Variants in NRG3 observed in about 807,000 individuals in gnomAD.
NRG3 encodes the protein neuregulin 3, also known as pro-neuregulin-3, membrane-bound isoform.
Under a neutral mutation model 66.9 loss-of-function variants are expected in NRG3, and 31 were observed. The observed-to-expected ratio is 0.46, with a 90% CI of 0.35 to 0.63. The LOEUF is 0.63. Ranked by LOEUF, NRG3 falls within the 20% of genes least tolerant of loss-of-function variation. The pLI is 0.00. For synonymous variants in NRG3, 393 were observed against 359.4 expected, an observed-to-expected ratio of 1.09 and a Z score of -1.06; for missense variants, 910 against 878.9, an observed-to-expected ratio of 1.04 and a Z score of -0.45.
At chr10:82,827,197 C>T in intron 3 of NRG3, 1 of 203,082 alleles carries the variant, frequency 4.9e-6, no homozygotes, top group Non-Finnish European at 8.9e-6. Flanking sequence ...TTTTTGTTAC[C>T]AAATTGTAAA....
chr10:82,413,456 T>C (rs1459173160), intron 2 of NRG3, among the ~76,000 whole-genome samples: 1 of 152,174 alleles, frequency 6.6e-6, no homozygotes, highest in Non-Finnish European at 1.5e-5. Flanking sequence ...ATTCTATTTA[T>C]AGAGCACAGG....
At chr10:82,449,886 GGA>G (rs2090934177) in intron 2 of NRG3, among the ~76,000 whole-genome samples, 1 of 152,104 alleles carries the variant, frequency 6.6e-6, no homozygotes, top group African/African-American at 2.4e-5. Context: ...CAGTCTGATG[GGA>G]GAGAGATAGC....
At chr10:82,900,366 T>C (rs963052252) in intron 4 of NRG3, among the ~76,000 whole-genome samples, 7 of 152,188 alleles carry the variant, frequency 4.6e-5, no homozygotes, top group Admixed American at 3.3e-4. Flanking sequence ...TCATTAACTA[T>C]GTACAGTACT....
At chr10:82,272,840 T>C (rs754249237) in intron 1 of NRG3, among the ~76,000 whole-genome samples, 56 of 152,190 alleles carry the variant, frequency 3.7e-4, no homozygotes, top group Non-Finnish European at 6.8e-4. Context: ...TTTGATAAAT[T>C]GCCTCTGCTG....
intron 2 of NRG3, among the ~76,000 whole-genome samples, chr10:82,583,375 G>A (rs1014120082): frequency 6.6e-6 from 1 of 152,048 alleles, no homozygotes; most frequent in African/African-American, 2.4e-5. Context: ...CTTCCTGCAG[G>A]CACATCATTT....
At chr10:82,352,975 A>G (rs2083528406) in intron 1 of NRG3, among the ~76,000 whole-genome samples, 1 of 151,850 alleles carries the variant, frequency 6.6e-6, no homozygotes, top group Non-Finnish European at 1.5e-5. Context: ...ACAGGTCTGT[A>G]AGGAATATTC....
rs1884282 is a variant in NRG3, at chr10:81,878,019, C to G, written c.823+1856C>G. ...GTTGGGAGAGGAGGGGGACTACACA[C>G]GGTAGGGGTATTTCATGTTCTTTCT... On this transcript the variant is annotated intron_variant, in intron 1 of 8. Coordinates refer to ENST00000372141, the MANE Select transcript of NRG3 (RefSeq NM_001010848.4). The G allele has an allele frequency of 0.12, 186,611 of 1,537,294 alleles. 12,047 individuals carry two copies. Among genetic ancestry groups the G allele is most frequent in the African/African-American group, 0.19 (13,841 of 73,020 alleles).
At chr10:82,554,493 T>C (rs964887016) in intron 2 of NRG3, among the ~76,000 whole-genome samples, 2 of 152,166 alleles carry the variant, frequency 1.3e-5, no homozygotes, top group Non-Finnish European at 2.9e-5. Context: ...TAGTTTAAAC[T>C]GGGATAGAAT....
intron 2 of NRG3, among the ~76,000 whole-genome samples, chr10:82,506,857 T>C (rs1234513260): frequency 1.3e-5 from 2 of 152,218 alleles, no homozygotes; most frequent in African/African-American, 2.4e-5. Context: ...ATGATGTCTA[T>C]TCCTAAGGAA....
intron 2 of NRG3, among the ~76,000 whole-genome samples, chr10:82,399,533 G>T (rs61864211): frequency 0.019 from 2,894 of 152,236 alleles, 45 homozygotes; most frequent in Middle Eastern, 0.037. Flanking sequence ...TGAGATCAGG[G>T]TGCCTACATG....
intron 3 of NRG3, chr10:82,843,404 C>G: frequency 3.8e-6 from 1 of 263,548 alleles, no homozygotes; most frequent in Non-Finnish European, 7.9e-6. Flanking sequence ...TGGCCAGCCC[C>G]CAATCCTAGA....
chr10:81,967,424 T>A (rs2059771830), intron 1 of NRG3, among the ~76,000 whole-genome samples: 1 of 152,128 alleles, frequency 6.6e-6, no homozygotes, highest in African/African-American at 2.4e-5. Flanking sequence ...TATTCTGAGA[T>A]TTCCTTTGTA....
At chr10:82,043,601 T>C (rs2133040823) in intron 1 of NRG3, among the ~76,000 whole-genome samples, 1 of 152,126 alleles carries the variant, frequency 6.6e-6, no homozygotes. Flanking sequence ...TTTTGCACAC[T>C]GGAGAATCAT....
chr10:82,080,723 A>AT (rs1181980229), intron 1 of NRG3, among the ~76,000 whole-genome samples: 1 of 152,230 alleles, frequency 6.6e-6, no homozygotes, highest in Non-Finnish European at 1.5e-5. Context: ...CTTTAAAAAA[A>AT]ATGTGGTAAA....
intron 1 of NRG3, among the ~76,000 whole-genome samples, chr10:82,097,284 A>G (rs953900218): frequency 6.6e-6 from 1 of 151,212 alleles, no homozygotes; most frequent in Non-Finnish European, 1.5e-5. Context: ...TTGCTCAGTG[A>G]TATTCAATTG....
At chr10:82,100,855 T>G (rs1003071930) in intron 1 of NRG3, among the ~76,000 whole-genome samples, 2 of 122,144 alleles carry the variant, frequency 1.6e-5, no homozygotes, top group Non-Finnish European at 2.0e-5. Flanking sequence ...TGTCCTTTTT[T>G]ATTAGGAAGA....
intron 1 of NRG3, among the ~76,000 whole-genome samples, chr10:82,196,350 A>G (rs995394675): frequency 3.3e-5 from 5 of 152,232 alleles, no homozygotes; most frequent in African/African-American, 1.2e-4. Flanking sequence ...ATAATGTGCT[A>G]TGAATGGTTT....
intron 2 of NRG3, among the ~76,000 whole-genome samples, chr10:82,397,822 G>A (rs920029199): frequency 6.6e-6 from 1 of 152,118 alleles, no homozygotes; most frequent in Non-Finnish European, 1.5e-5. Flanking sequence ...CTATCTTTCA[G>A]ACGTTTAATG....
intron 1 of NRG3, chr10:81,877,991 T>C: frequency 6.5e-7 from 1 of 1,537,576 alleles, no homozygotes; most frequent in Non-Finnish European, 8.7e-7. Context: ...AACCCTTGTA[T>C]GCGTTGGGAG....
Sources: allele counts gnomAD v4.1 joint callset (sites outside exome capture counted in the v4.1 genomes callset), GRCh38; gene constraint gnomAD v4.1.1; transcripts MANE v1.5; gene names NCBI Gene and HGNC (gene_info 2026-07-23, HGNC 2026-07-21).